CTNNA3: variants seen among roughly 807,000 people sequenced by gnomAD.
CTNNA3 encodes the protein catenin alpha 3.
CTNNA3 carries 76 observed loss-of-function variants against 95.7 expected under a neutral mutation model. The observed-to-expected ratio is 0.79, with a 90% CI of 0.66 to 0.96. The LOEUF (loss-of-function observed/expected upper bound fraction) is 0.96, where lower values mean the gene tolerates loss of function less well. Among genes scored for constraint, CTNNA3 ranks in the 40% least tolerant of loss-of-function variants. The pLI is 0.00. For missense variants in CTNNA3, 1,191 were observed against 1,089.8 expected, an observed-to-expected ratio of 1.09 and a Z score of -1.31; for synonymous variants, 431 against 374.4, an observed-to-expected ratio of 1.15 and a Z score of -1.74.
chr10:67,639,035 A>G (rs909486202), intron 2 of CTNNA3, among the ~76,000 whole-genome samples: 4 of 152,208 alleles, frequency 2.6e-5, no homozygotes, highest in Admixed American at 6.5e-5. Context: ...AAATAGACAC[A>G]TAAAAAACCC....
chr10:67,606,947 T>A lies in CTNNA3; in HGVS notation c.202A>T (p.Asn68Tyr), dbSNP rs948340077. Residue 68 changes from asparagine to tyrosine, a missense_variant, in exon 3 of 18, where the codon AAT becomes TAT. Physicochemically the swap from Asn to Tyr is moderately radical, Grantham distance 143. Coordinates refer to ENST00000433211, the MANE Select transcript of CTNNA3 (RefSeq NM_013266.4). ...ATCTTCTCTCCCTTGTCTAATAAAT[T>A]CCAAGTTGCTTCCTCCACAGAAGCT... Reference protein sequence around the residue: ...LLASVEEATWNLLDKGEKIAQ... With the variant: ...LLASVEEATWYLLDKGEKIAQ... 6.2e-7 allele frequency: 1 copy of A among 1,614,074 alleles called. No homozygotes were observed. The highest frequency in any genetic ancestry group is 1.3e-5 in the African/African-American group (1 of 75,032).
intron 15 of CTNNA3, among the ~76,000 whole-genome samples, chr10:66,063,211 T>G (rs1030396326): frequency 1.6e-3 from 141 of 90,244 alleles, no homozygotes; most frequent in Middle Eastern, 5.8e-3. Flanking sequence ...TATATATATA[T>G]ATAGATATAG....
chr10:67,552,268 G>GT (rs1157803061), intron 3 of CTNNA3, among the ~76,000 whole-genome samples: 2 of 151,876 alleles, frequency 1.3e-5, no homozygotes, highest in Admixed American at 6.6e-5. Context: ...TTTCTTATAG[G>GT]TTTTTTTTCG....
intron 7 of CTNNA3, among the ~76,000 whole-genome samples, chr10:66,918,078 T>C (rs1471309383): frequency 6.6e-6 from 1 of 152,222 alleles, no homozygotes; most frequent in Non-Finnish European, 1.5e-5. Flanking sequence ...GCTAGAAAAC[T>C]GATTTCTCTC....
chr10:67,677,373 A>G (rs1188001761), intron 1 of CTNNA3, among the ~76,000 whole-genome samples: 3 of 152,166 alleles, frequency 2.0e-5, no homozygotes, highest in Non-Finnish European at 4.4e-5. Flanking sequence ...ACGCATGCAC[A>G]CACACATATG....
intron 5 of CTNNA3, among the ~76,000 whole-genome samples, chr10:67,249,989 T>A (rs1000035778): frequency 6.6e-6 from 1 of 152,370 alleles, no homozygotes. Flanking sequence ...GAGGACCTGC[T>A]GTACTTACAA....
intron 7 of CTNNA3, among the ~76,000 whole-genome samples, chr10:66,810,315 T>A (rs1222357199): frequency 6.6e-6 from 1 of 152,128 alleles, no homozygotes; most frequent in East Asian, 1.9e-4. Flanking sequence ...GCAAGCACAT[T>A]AGTTCCCCCA....
rs1478451155 is a variant in CTNNA3 at position 67,480,582 on chromosome 10, A to T, written c.579+41260T>A. On this transcript the variant is annotated intron_variant, in intron 5 of 17. Transcript: ENST00000433211. The stretch of plus-strand genomic sequence containing the variant: ...CTAAACCACAAACAATAGCATGAGC[A>T]ATCTGTGCCTTAAGAACATGTTCCT... 2.0e-5 allele frequency among the ~76,000 whole-genome samples: 3 copies of T among 152,234 alleles called. No homozygotes were observed. The East Asian group carries it at 5.8e-4, about 29-fold the overall frequency.
At chr10:66,026,351 C>A (rs2079335925) in intron 15 of CTNNA3, among the ~76,000 whole-genome samples, 2 of 152,142 alleles carry the variant, frequency 1.3e-5, no homozygotes, top group African/African-American at 2.4e-5. Context: ...TCAATGTTTT[C>A]ATTGAACTGA....
intron 7 of CTNNA3, among the ~76,000 whole-genome samples, chr10:66,878,206 A>G (rs1451385814): frequency 6.6e-6 from 1 of 152,034 alleles, no homozygotes; most frequent in Admixed American, 6.6e-5. Context: ...TTTTCTCTGT[A>G]TACTTGTTGA....
chr10:66,800,715 T>C (rs970075161), intron 7 of CTNNA3, among the ~76,000 whole-genome samples: 10 of 151,262 alleles, frequency 6.6e-5, no homozygotes, highest in Non-Finnish European at 1.2e-4. Context: ...TATAAAGACA[T>C]GAATAAAGAG....
At chr10:67,448,028 G>A (rs1038097753) in intron 5 of CTNNA3, among the ~76,000 whole-genome samples, 1 of 152,172 alleles carries the variant, frequency 6.6e-6, no homozygotes, top group South Asian at 2.1e-4. Context: ...TGAGCTTTTG[G>A]CTACAGAAAC....
chr10:66,809,357 G>T (rs559350853), intron 7 of CTNNA3, among the ~76,000 whole-genome samples: 8 of 151,630 alleles, frequency 5.3e-5, no homozygotes, highest in African/African-American at 1.9e-4. Context: ...TTAAAATATC[G>T]GTTTACATCA....
At chr10:66,529,441 T>TTTCTTG (rs1208340402) in intron 10 of CTNNA3, among the ~76,000 whole-genome samples, 10 of 83,500 alleles carry the variant, frequency 1.2e-4, no homozygotes, top group African/African-American at 4.0e-4. Flanking sequence ...CAAACAGTGT[T>TTTCTTG]TTTTTTTTGT....
At chr10:66,111,869 G>T (rs1469706565) in intron 13 of CTNNA3, among the ~76,000 whole-genome samples, 6 of 151,808 alleles carry the variant, frequency 4.0e-5, no homozygotes, top group Non-Finnish European at 8.9e-5. Context: ...GTTGTTTTTT[G>T]TTAGGCCAAT....
chr10:66,062,602 T>C (rs2080225530), intron 15 of CTNNA3, among the ~76,000 whole-genome samples: 1 of 152,114 alleles, frequency 6.6e-6, no homozygotes, highest in Non-Finnish European at 1.5e-5. Context: ...AAGAACAGAT[T>C]TCATTCATTT....
intron 17 of CTNNA3, among the ~76,000 whole-genome samples, chr10:65,925,230 C>G (rs532166588): frequency 6.6e-6 from 1 of 152,096 alleles, no homozygotes; most frequent in African/African-American, 2.4e-5. Flanking sequence ...CCCTCATATT[C>G]CCACTTGTTC....
chr10:67,058,642 T>C lies in CTNNA3; in HGVS notation c.1047+121675A>G, dbSNP rs183685048. ...CTGTGCGCAGAAGCCCAGAGAGCAC[T>C]TTCTACAAGTTTAGGGAACATGCTG... On this transcript the variant is annotated intron_variant, in intron 7 of 17. Transcript: ENST00000433211. 1.1e-4 allele frequency among the ~76,000 whole-genome samples: 17 copies of C among 151,886 alleles called. No homozygotes were observed. The East Asian group carries it at 3.3e-3, about 29-fold the overall frequency.
At chr10:66,181,124 G>A (rs1321600679) in intron 13 of CTNNA3, among the ~76,000 whole-genome samples, 2 of 151,988 alleles carry the variant, frequency 1.3e-5, no homozygotes, top group Admixed American at 6.6e-5. Context: ...AAAGTAAAAA[G>A]TCATTTAGAC....
Sources: allele counts gnomAD v4.1 joint callset (sites outside exome capture counted in the v4.1 genomes callset), GRCh38; gene constraint gnomAD v4.1.1; transcripts MANE v1.5; gene names NCBI Gene and HGNC (gene_info 2026-07-23, HGNC 2026-07-21).